Variants in WBP11 observed in about 807,000 individuals in gnomAD.
WBP11 encodes WW domain binding protein 11.
A neutral mutation model predicts 66.7 loss-of-function variants in WBP11; 12 were observed. The ratio of observed to expected loss-of-function variants is 0.18; its 90% confidence interval spans 0.12 to 0.29. The LOEUF is 0.29. Among genes scored for constraint, WBP11 ranks in the 10% least tolerant of loss-of-function variants. The probability of loss-of-function intolerance (pLI) is 1.00; values close to 1 mark genes in which losing one functional copy is unlikely to be tolerated. For missense variants in WBP11, 555 were observed against 818.3 expected, an observed-to-expected ratio of 0.68 and a Z score of 3.93; for synonymous variants, 255 against 273.8, an observed-to-expected ratio of 0.93 and a Z score of 0.68.
At chr12:14,790,775 A>G in intron 9 of WBP11, 26 bp from the exon 10 acceptor site, 2 of 1,593,572 alleles carry the variant, frequency 1.3e-6, no homozygotes, top group Non-Finnish European at 1.7e-6. Flanking sequence ...AACCCAGTAA[A>G]TGGAGTTGAT....
At chr12:14,799,555 A>T in intron 4 of WBP11, 80 bp downstream of exon 4, 1 of 1,291,610 alleles carries the variant, frequency 7.7e-7, no homozygotes, top group Non-Finnish European at 1.1e-6. Context: ...TGTTTTACTT[A>T]CGCCTATGCT....
At chr12:14,789,903 A>C (rs142521931) in intron 10 of WBP11, among the ~76,000 whole-genome samples, 1 of 152,372 alleles carries the variant, frequency 6.6e-6, no homozygotes, top group East Asian at 1.9e-4. Flanking sequence ...GGCTGACAAT[A>C]GGATGAAGGA....
Position 14,789,109 on chromosome 12 carries a change from G to C in WBP11, c.1334C>G (p.Pro445Arg). 1 of 1,530,580 alleles carries C rather than the reference G, an allele frequency of 6.5e-7. No homozygotes were observed. The highest frequency in any genetic ancestry group is 8.7e-7 in the Non-Finnish European group (1 of 1,149,876). The allele number at this position is 1,530,580 out of a possible 1,614,324, so 94.8% of individuals were successfully genotyped here. A position where few individuals can be genotyped will look rare whatever the true frequency, so the allele number is the denominator to read the frequency against. The change falls in exon 11 of 12, where the codon CCT becomes CGT. Residue 445 changes from proline (P) to arginine (R), a missense_variant. Transcript: ENST00000261167. ...PPGAPPFLRP[P>R]GMPGLRGPLP... Reference sequence around the variant, plus strand: ...GGGCCCTCGGAGTCCTGGCATTCCAGGTGGTCTCAGGAATGGAGGAGCTCC... The same window carrying C: ...GGGCCCTCGGAGTCCTGGCATTCCACGTGGTCTCAGGAATGGAGGAGCTCC...
intron 4 of WBP11, chr12:14,799,377 C>T (rs764238381): frequency 3.6e-6 from 1 of 277,310 alleles, no homozygotes; most frequent in Non-Finnish European, 6.7e-6. Context: ...GCAAGCTGGC[C>T]AAACTGTGCT....
At position 14,794,675 on chromosome 12, in the gene WBP11, G is replaced by C. The variant is rs776844236; in HGVS notation, c.583C>G (p.Pro195Ala). 10 of 1,611,324 alleles carry C rather than the reference G, an allele frequency of 6.2e-6. No homozygotes were observed. Among genetic ancestry groups the C allele is most frequent in the Admixed American group, 5.0e-5 (3 of 59,728 alleles). Residue 195 changes from proline to alanine, a missense_variant, in exon 7 of 12, where the codon CCT becomes GCT. Transcript: ENST00000261167. ...GGAGGGCCAGGAGGTTTTCTGCCAG[G>C]GGGCAAACGTGGAACACCATGTCCA... ...LLGHGVPRLP[P>A]GRKPPGPPPG...
At chr12:14,801,497 C>A (rs1289475624) in intron 1 of WBP11, 69 bp from the exon 2 acceptor site, 2 of 1,002,960 alleles carry the variant, frequency 2.0e-6, no homozygotes, top group Admixed American at 2.4e-5. Context: ...CTAGTCCCTA[C>A]CAATCTCTGA....
chr12:14,799,842 C>A (rs960993010), intron 3 of WBP11, 114 bp from the exon 4 acceptor site: 46 of 893,340 alleles, frequency 5.1e-5, no homozygotes, highest in Non-Finnish European at 7.2e-5. Flanking sequence ...CTTGTTTCAA[C>A]CACCAGAAAC....
At chr12:14,798,608 T>C (rs1296887437) in intron 4 of WBP11, among the ~76,000 whole-genome samples, 3 of 152,178 alleles carry the variant, frequency 2.0e-5, no homozygotes, top group Non-Finnish European at 4.4e-5. Flanking sequence ...GACCCAGAAC[T>C]CTTAGCCAGG....
At chr12:14,800,190 G>A (rs1447538281) in intron 3 of WBP11, among the ~76,000 whole-genome samples, 1 of 151,974 alleles carries the variant, frequency 6.6e-6, no homozygotes, top group Non-Finnish European at 1.5e-5. Flanking sequence ...TAAAATCTGT[G>A]TTGCTTCAAT....
chr12:14,788,739 C>T (rs1949786165), intron 11 of WBP11, among the ~76,000 whole-genome samples: 1 of 152,168 alleles, frequency 6.6e-6, no homozygotes, highest in African/African-American at 2.4e-5. Context: ...AGAATTTAAT[C>T]CCATGTTCTC....
chr12:14,801,560 G>A, intron 1 of WBP11, 132 bp from the exon 2 acceptor site: 1 of 564,602 alleles, frequency 1.8e-6, no homozygotes, highest in African/African-American at 1.9e-5. Flanking sequence ...CCTTAGTTTT[G>A]ACTTTAATGT....
intron 5 of WBP11, 85 bp from the exon 6 acceptor site, chr12:14,795,189 C>G: frequency 7.3e-7 from 1 of 1,376,608 alleles, no homozygotes; most frequent in East Asian, 2.7e-5. Context: ...TGTTTCGTAA[C>G]TTGGACATGC....
Position 14,787,104 on chromosome 12 carries a change from G to C in WBP11, c.1887C>G (p.Val629=). 3.1e-6 allele frequency: 5 copies of C among 1,613,688 alleles called. No individual in the cohort carries two copies. The highest frequency in any genetic ancestry group is 4.2e-6 in the Non-Finnish European group (5 of 1,179,894). Residue 629 remains valine, a synonymous_variant, in exon 12 of 12, where the codon GTC becomes GTG. Transcript: ENST00000261167. ...VPVSVQTKDD[V]YEAFMKEMEG... is the part of the protein sequence containing the mutation. ...CCATCTCTTTCATGAAAGCCTCATA[G>C]ACATCATCCTTAGTTTGTACTGAGA...
Position 14,795,020 on chromosome 12 carries a change from G to A in WBP11, c.472C>T (p.Leu158Phe). 6.2e-7 allele frequency: 1 copy of A among 1,612,620 alleles called. No individual in the cohort carries two copies. The highest frequency in any genetic ancestry group is 8.5e-7 in the Non-Finnish European group (1 of 1,180,014). ...ATAGAGGGTGGCTGGGCACCAGGAA[G>A]TGGAATGTCCTGGATCAAAATGTTG... ...PSNILIQDIP[L>F]PGAQPPSILK... The change falls in exon 6 of 12, where the codon CTT (leucine) becomes TTT (phenylalanine). Residue 158 changes from leucine to phenylalanine, a missense_variant. Physicochemically the swap from Leu to Phe is conservative, Grantham distance 22 (BLOSUM62 0). Coordinates refer to ENST00000261167, the MANE Select transcript of WBP11 (RefSeq NM_016312.3).
chr12:14,799,816 C>G (rs1002608467), intron 3 of WBP11, 88 bp from the exon 4 acceptor site: 16 of 1,244,306 alleles, frequency 1.3e-5, no homozygotes, highest in Admixed American at 5.3e-5. Context: ...CAGAATAACT[C>G]CTTGGCTTCT....
In WBP11 at chr12:14,791,151, A is replaced by G. The variant is rs777805591; in HGVS notation, c.1015+18T>C. 1.2e-6 allele frequency: 2 copies of G among 1,611,438 alleles called. No homozygotes were observed. Among genetic ancestry groups the G allele is most frequent in the Admixed American group, 1.7e-5 (1 of 59,952 alleles). On this transcript the variant is annotated intron_variant, in intron 9 of 11. Coordinates refer to ENST00000261167, the MANE Select transcript of WBP11 (RefSeq NM_016312.3). ...AGGATACACCAAAAGGTGATTCACT[A>G]TTTTTTCCCTGCCTCACCTGCCATA...
rs1202810860 is a variant in WBP11 at position 14,784,867 on chromosome 12, A to G, written c.*2198T>C. 1 of 152,258 alleles carries G rather than the reference A, an allele frequency of 6.6e-6. No homozygotes were observed. The highest frequency in any genetic ancestry group is 1.5e-5 in the Non-Finnish European group (1 of 68,046). 9.4% of individuals were successfully genotyped at this position (152,258 alleles called of 1,614,324 possible). On this transcript the variant is annotated 3_prime_UTR_variant, in exon 12 of 12. Coordinates refer to ENST00000261167, the MANE Select transcript of WBP11 (RefSeq NM_016312.3). Reference sequence around the variant, plus strand: ...TGAAAATATTATGTAAATTATGATCATAACAAGTGTACCCAGAATCAGAAC... The same window carrying G: ...TGAAAATATTATGTAAATTATGATCGTAACAAGTGTACCCAGAATCAGAAC...
chr12:14,789,995 TAAAC>T (rs1196801546), intron 10 of WBP11, among the ~76,000 whole-genome samples: 3 of 152,324 alleles, frequency 2.0e-5, no homozygotes, highest in South Asian at 2.1e-4. Flanking sequence ...GAACACTTAA[TAAAC>T]AGACTAATCA....
chr12:14,784,876 G>A lies in WBP11; in HGVS notation c.*2189C>T, dbSNP rs1319336113. 1 of 152,186 alleles carries A rather than the reference G, an allele frequency of 6.6e-6. No individual in the cohort carries two copies. The highest frequency in any genetic ancestry group is 1.5e-5 in the Non-Finnish European group (1 of 68,042). 9.4% of individuals were successfully genotyped at this position (152,186 alleles called of 1,614,324 possible). A position where few individuals can be genotyped will look rare whatever the true frequency, so the allele number is the denominator to read the frequency against. The stretch of plus-strand genomic sequence containing the variant: ...TATGTAAATTATGATCATAACAAGT[G>A]TACCCAGAATCAGAACTGCTAATTA... On this transcript the variant is annotated 3_prime_UTR_variant, in exon 12 of 12. Coordinates refer to ENST00000261167, the MANE Select transcript of WBP11 (RefSeq NM_016312.3).
Sources: gnomAD v4.1 joint callset for allele counts (sites outside exome capture counted in the v4.1 genomes callset) on GRCh38, gnomAD v4.1.1 for gene constraint, MANE v1.5 for transcripts, NCBI Gene and HGNC (gene_info 2026-07-23, HGNC 2026-07-21) for gene names.